Variants in MEGF6 observed in about 807,000 individuals in gnomAD.
MEGF6 encodes the protein multiple epidermal growth factor-like domains protein 6.
In MEGF6, 184 loss-of-function variants were observed where a neutral mutation model predicts 207.1. The observed-to-expected ratio is 0.89, with a 90% CI of 0.79 to 1.00. The LOEUF (loss-of-function observed/expected upper bound fraction) is 1.00, where lower values mean the gene tolerates loss of function less well. Among genes scored for constraint, MEGF6 ranks in the 50% least tolerant of loss-of-function variants. The probability of loss-of-function intolerance (pLI) is 0.00; values close to 1 mark genes in which losing one functional copy is unlikely to be tolerated. For missense variants in MEGF6, 2,282 were observed against 2,202.9 expected (o/e 1.04, Z -0.72); for synonymous variants, 1,038 against 910.0 (o/e 1.14, Z -2.53).
chr1:3,585,549 C>G (rs1643881363), intron 3 of MEGF6, among the ~76,000 whole-genome samples: 1 of 127,220 alleles, frequency 7.9e-6, no homozygotes, highest in African/African-American at 3.2e-5. Flanking sequence ...GACACATGTC[C>G]TGTGTGTGGG....
chr1:3,498,996 G>A (rs1157310401), intron 24 of MEGF6, 142 bp downstream of exon 24: 10 of 1,406,354 alleles, frequency 7.1e-6, no homozygotes, highest in South Asian at 6.8e-5. Flanking sequence ...CTGGAGAGGG[G>A]CACAGGTGAA....
chr1:3,579,954 TGA>T, intron 3 of MEGF6, 25 bp from the exon 4 acceptor site: 2 of 1,476,288 alleles, frequency 1.4e-6, no homozygotes, highest in Non-Finnish European at 9.0e-7. Flanking sequence ...AGAAAATCGG[TGA>T]GAGGGGCAAG....
At chr1:3,606,269 C>T (rs866268838) in intron 1 of MEGF6, among the ~76,000 whole-genome samples, 21 of 152,184 alleles carry the variant, frequency 1.4e-4, no homozygotes, top group Non-Finnish European at 2.8e-4. Context: ...CCACCCTGGA[C>T]CACTGAATCC....
the MEGF6 span, among the ~76,000 whole-genome samples, chr1:3,622,255 C>T: frequency 3.6e-3 from 554 of 152,182 alleles, 4 homozygotes; most frequent in African/African-American, 0.013. Flanking sequence ...AGCATGGGGG[C>T]GATTTCCCCC....
intron 4 of MEGF6, among the ~76,000 whole-genome samples, chr1:3,540,106 T>C (rs902575905): frequency 3.3e-5 from 5 of 152,346 alleles, no homozygotes; most frequent in Middle Eastern, 3.4e-3. Flanking sequence ...CCCAGCGTCC[T>C]GGTTCTAGGC....
rs546764100 is a variant in MEGF6, at chr1:3,519,735, C to T, written c.605-4208G>A. Reference sequence around the variant, plus strand: ...GCCCTGACCCTTCAGCACAAGCCAACGGCCTGCCAGCAGCCTCCCCTCCCG... The same window carrying T: ...GCCCTGACCCTTCAGCACAAGCCAATGGCCTGCCAGCAGCCTCCCCTCCCG... On this transcript the variant is annotated intron_variant, in intron 5 of 36. Transcript: ENST00000356575. 2.8e-3 allele frequency among the ~76,000 whole-genome samples: 429 copies of T among 152,362 alleles called. 1 individual carries two copies. The Middle Eastern group carries it at 0.034, about 12-fold the overall frequency.
Position 3,500,659 on chromosome 1 carries a change from C to T in MEGF6, c.2681G>A (p.Gly894Asp). The part of the protein sequence containing the change: ...AISGLCLCEA[G>D]YVGPRCEQQC... The stretch of plus-strand genomic sequence containing the variant: ...CTGCTCGCACCGCGGGCCCACGTAG[C>T]CAGCCTCACACAGACACAGGCCGCT... The change falls in exon 21 of 37, where the codon GGC (glycine) becomes GAC (aspartate). Residue 894 changes from glycine to aspartate, a missense_variant. Gly to Asp is a moderately conservative substitution (Grantham distance 94). Transcript: ENST00000356575. 1 of 1,567,192 alleles carries T rather than the reference C, an allele frequency of 6.4e-7. No homozygotes were observed. The highest frequency in any genetic ancestry group is 1.2e-5 in the South Asian group (1 of 85,760).
chr1:3,581,303 CA>C (rs1177322585), intron 3 of MEGF6, among the ~76,000 whole-genome samples: 4 of 152,134 alleles, frequency 2.6e-5, no homozygotes, highest in African/African-American at 9.7e-5. Context: ...TTGCCCCAGG[CA>C]TGGCGGCATC....
intron 14 of MEGF6, among the ~76,000 whole-genome samples, chr1:3,506,447 CGGGTG>C (rs1161767991): frequency 6.6e-6 from 1 of 152,134 alleles, no homozygotes; most frequent in Non-Finnish European, 1.5e-5. Flanking sequence ...GTGGCAAGGG[CGGGTG>C]GAAGAGCACA....
At chr1:3,589,933 A>G (rs2794320) in intron 3 of MEGF6, among the ~76,000 whole-genome samples, 96,273 of 152,162 alleles carry the variant, frequency 0.63, 31,610 homozygotes, top group Non-Finnish European at 0.72. Flanking sequence ...AATTCCTGCA[A>G]AAGAAGAAAT....
chr1:3,612,362 G>GCTAACTTCTAGGGTGCCC (rs1557437245), upstream of MEGF6, among the ~76,000 whole-genome samples: 1 of 152,166 alleles, frequency 6.6e-6, no homozygotes, highest in African/African-American at 2.4e-5. Flanking sequence ...TGTCTAGGGT[G>GCTAACTTCTAGGGTGCCC]AGGCTTCTGC....
intron 4 of MEGF6, among the ~76,000 whole-genome samples, chr1:3,570,448 G>A (rs2101691079): frequency 6.6e-6 from 1 of 152,378 alleles, no homozygotes; most frequent in Non-Finnish European, 1.5e-5. Flanking sequence ...GGAAAGGATA[G>A]CCAGGCAGGC....
At chr1:3,500,347 C>T (rs1051973031) in intron 21 of MEGF6, among the ~76,000 whole-genome samples, 7 of 152,240 alleles carry the variant, frequency 4.6e-5, no homozygotes, top group Non-Finnish European at 2.9e-5. Context: ...TGGTGCAGGT[C>T]GGTGAGAGGG....
At chr1:3,520,308 G>A (rs1181582789) in intron 5 of MEGF6, among the ~76,000 whole-genome samples, 1 of 152,246 alleles carries the variant, frequency 6.6e-6, no homozygotes, top group African/African-American at 2.4e-5. Flanking sequence ...CAGAGGCGGA[G>A]GCCTCCAGCG....
intron 4 of MEGF6, among the ~76,000 whole-genome samples, chr1:3,534,098 G>C (rs557658570): frequency 4.3e-4 from 65 of 152,264 alleles, no homozygotes; most frequent in African/African-American, 1.5e-3. Context: ...GGAAGGTCAG[G>C]CACTCGGAGT....
chr1:3,551,148 G>C (rs1642871798), intron 4 of MEGF6, among the ~76,000 whole-genome samples: 2 of 152,306 alleles, frequency 1.3e-5, no homozygotes, highest in African/African-American at 4.8e-5. Context: ...ATGTGAGGCT[G>C]CCAGACCCAG....
chr1:3,491,076 T>C lies in MEGF6; in HGVS notation c.4517-117A>G, dbSNP rs959223515. 1.7e-5 allele frequency: 14 copies of C among 818,026 alleles called. 1 individual carries two copies. In the African/African-American group the frequency reaches 2.3e-4, roughly 13 times the overall value. 50.7% of individuals were successfully genotyped at this position (818,026 alleles called of 1,614,324 possible). ...AGGGACCTCCACTTCCCCCGCACAGTCTCCTTCCCTTCTCAGTCCTTTGCA... is the reference window on the plus strand; with the variant it reads ...AGGGACCTCCACTTCCCCCGCACAGCCTCCTTCCCTTCTCAGTCCTTTGCA... On this transcript the variant is annotated intron_variant, in intron 35 of 36. Transcript: ENST00000356575.
chr1:3,595,444 G>A lies in MEGF6; in HGVS notation c.270C>T (p.Thr90=), dbSNP rs112138743. Residue 90 remains threonine (T), a synonymous_variant, in exon 3 of 37, where the codon ACC becomes ACT. Transcript: ENST00000356575. ...QAWCVGHERR[T]VYYMGYRQVY... Reference sequence around the variant, plus strand: ...CCTGCCTGTAGCCCATGTAGTAGACGGTTCTAGAAAGAAAGAGAGAAGGGA... The same window carrying A: ...CCTGCCTGTAGCCCATGTAGTAGACAGTTCTAGAAAGAAAGAGAGAAGGGA... 38 of 1,611,808 alleles carry A rather than the reference G, an allele frequency of 2.4e-5. No homozygotes were observed. The highest frequency in any genetic ancestry group is 3.0e-5 in the Non-Finnish European group (35 of 1,179,254).
rs566937765 is a variant in MEGF6 at position 3,576,106 on chromosome 1, G to C, written c.481+3719C>G. ...CCAGCCCTGGACAAAATGAGCGGCT[G>C]GCCCTGACTGTGACTGCGCCGAGGC... On this transcript the variant is annotated intron_variant, in intron 4 of 36. Coordinates refer to ENST00000356575, the MANE Select transcript of MEGF6 (RefSeq NM_001409.4). Among the ~76,000 whole-genome samples the C allele has an allele frequency of 7.9e-5, 12 of 152,360 alleles. 1 individual carries two copies. In the South Asian group the frequency reaches 2.3e-3, roughly 29 times the overall value.
Sources: allele counts gnomAD v4.1 joint callset (sites outside exome capture counted in the v4.1 genomes callset), GRCh38; gene constraint gnomAD v4.1.1; transcripts MANE v1.5; gene names NCBI Gene and HGNC (gene_info 2026-07-23, HGNC 2026-07-21).